Variants in ZNF362 observed in about 807,000 individuals in gnomAD.
ZNF362 encodes the protein zinc finger protein 362, also known as rotund homolog.
A neutral mutation model predicts 42.9 loss-of-function variants in ZNF362; 11 were observed. The ratio of observed to expected loss-of-function variants is 0.26; its 90% CI spans 0.16 to 0.42. The LOEUF (loss-of-function observed/expected upper bound fraction) is 0.42. Ranked by LOEUF, ZNF362 falls within the 20% of genes least tolerant of loss-of-function variation. The pLI, the probability that ZNF362 is intolerant of heterozygous loss-of-function variation, is 1.00. For missense variants in ZNF362, 362 were observed against 576.2 expected, an observed-to-expected ratio of 0.63 and a Z score of 3.81; for synonymous variants, 255 against 257.3, an observed-to-expected ratio of 0.99 and a Z score of 0.09.
chr1:33,263,782 C>A (rs1362236489), intron 1 of ZNF362, among the ~76,000 whole-genome samples: 1 of 152,192 alleles, frequency 6.6e-6, no homozygotes, highest in Non-Finnish European at 1.5e-5. Flanking sequence ...AGGGAACAGC[C>A]TGGGCAGAGA....
At chr1:33,201,331 A>C in the ZNF362 span, among the ~76,000 whole-genome samples, 15 of 152,236 alleles carry the variant, frequency 9.9e-5, no homozygotes, top group African/African-American at 3.6e-4. Flanking sequence ...CAACATCAGC[A>C]AAGTACACAT....
chr1:33,129,274 T>A, the ZNF362 span, among the ~76,000 whole-genome samples: 19 of 152,276 alleles, frequency 1.2e-4, no homozygotes, highest in East Asian at 3.7e-3. The surrounding 1 kb of genome is among the most constrained non-coding windows in gnomAD (Gnocchi z 4.1). Flanking sequence ...GGTTGGGGGT[T>A]CATCATATCC....
upstream of ZNF362, among the ~76,000 whole-genome samples, chr1:33,255,235 A>G (rs1342881446): frequency 6.6e-6 from 1 of 152,226 alleles, no homozygotes; most frequent in Non-Finnish European, 1.5e-5. Context: ...CAGTTTTTTA[A>G]TAGCTGTGCT....
the ZNF362 span, among the ~76,000 whole-genome samples, chr1:33,132,204 C>G: frequency 6.6e-6 from 1 of 152,232 alleles, no homozygotes; most frequent in East Asian, 1.9e-4. Flanking sequence ...TTTTCCCACC[C>G]TTACCCTCCA....
the ZNF362 span, among the ~76,000 whole-genome samples, chr1:33,184,483 C>G: frequency 6.6e-6 from 1 of 152,188 alleles, no homozygotes; most frequent in Non-Finnish European, 1.5e-5. Flanking sequence ...TAAAATCTTT[C>G]TAATAGAACA....
chr1:33,167,537 G>A, the ZNF362 span, among the ~76,000 whole-genome samples: 4 of 152,210 alleles, frequency 2.6e-5, no homozygotes, highest in Non-Finnish European at 5.9e-5. This position sits in a 1 kb window ranked among gnomAD's most constrained non-coding sequence, Gnocchi z 4.2. Context: ...CCTCCAGGGT[G>A]GCTCCTACTG....
the ZNF362 span, among the ~76,000 whole-genome samples, chr1:33,154,933 A>T: frequency 6.6e-6 from 1 of 151,452 alleles, no homozygotes; most frequent in Admixed American, 6.6e-5. Flanking sequence ...CTCTACTAAA[A>T]ATACAAAAAA....
rs80171891 is a variant in ZNF362, at chr1:33,298,035, T to C, written c.1147-895T>C. On this transcript the variant is annotated intron_variant, in intron 8 of 8. Transcript: ENST00000539719. ...CTTCCTCTGCTGGGTTCTGAGCATATTGAGGTCTGAAGTCAAGGAGTGGCA... is the reference window on the plus strand; with the variant it reads ...CTTCCTCTGCTGGGTTCTGAGCATACTGAGGTCTGAAGTCAAGGAGTGGCA... Among the ~76,000 whole-genome samples, 641 of 152,312 alleles carry C rather than the reference T, an allele frequency of 4.2e-3. 6 individuals are homozygous for C. Among genetic ancestry groups the C allele is most frequent in the African/African-American group, 0.014 (602 of 41,572 alleles).
the ZNF362 span, among the ~76,000 whole-genome samples, chr1:33,238,444 C>T: frequency 3.4e-5 from 5 of 145,200 alleles, no homozygotes; most frequent in Admixed American, 6.8e-5. Flanking sequence ...AAAATAAAAT[C>T]CCTTGGAAAG....
chr1:33,195,794 T>G, the ZNF362 span: 1 of 152,274 alleles, frequency 6.6e-6, no homozygotes. Flanking sequence ...TAGGACATTA[T>G]GCATAATTCT....
chr1:33,155,578 T>A, the ZNF362 span, among the ~76,000 whole-genome samples: 1 of 152,160 alleles, frequency 6.6e-6, no homozygotes, highest in African/African-American at 2.4e-5. Flanking sequence ...GGGCACAGGC[T>A]CTGGGGCCCG....
the ZNF362 span, among the ~76,000 whole-genome samples, chr1:33,135,287 AAAAC>A: frequency 5.1e-3 from 774 of 152,176 alleles, 5 homozygotes; most frequent in African/African-American, 0.015. Context: ...GACTCTCTCA[AAAAC>A]AAACAAACAA....
chr1:33,211,470 G>A, the ZNF362 span, among the ~76,000 whole-genome samples: 1 of 152,104 alleles, frequency 6.6e-6, no homozygotes, highest in African/African-American at 2.4e-5. Context: ...TGACTGTAAG[G>A]GATTTTATTT....
chr1:33,284,105 C>T (rs1262433885), intron 6 of ZNF362, among the ~76,000 whole-genome samples: 2 of 152,324 alleles, frequency 1.3e-5, no homozygotes, highest in East Asian at 1.9e-4. Flanking sequence ...GCCTATACAA[C>T]GTGTAATGTG....
At position 33,276,475 on chromosome 1, in the gene ZNF362, A is replaced by G; in HGVS notation, c.230A>G (p.Glu77Gly). The change falls in exon 4 of 9, where the codon GAG becomes GGG. Residue 77 changes from glutamate (E) to glycine (G), a missense_variant. Glu to Gly is a moderately conservative substitution (Grantham distance 98). Coordinates refer to ENST00000539719, the MANE Select transcript of ZNF362 (RefSeq NM_152493.3). ...QPLLVPPAPA[E>G]SSQAVMSLPK... ...TTGCTAGTGCCGCCGGCACCCGCCG[A>G]GAGCAGCCAGGCCGTCATGTCGCTG... The G allele has an allele frequency of 1.3e-6, 2 of 1,590,544 alleles. No individual in the cohort carries two copies. Among genetic ancestry groups the G allele is most frequent in the African/African-American group, 1.3e-5 (1 of 74,598 alleles).
At chr1:33,153,172 G>T in the ZNF362 span, among the ~76,000 whole-genome samples, 1 of 152,174 alleles carries the variant, frequency 6.6e-6, no homozygotes, top group Non-Finnish European at 1.5e-5. Context: ...GAATCCATGG[G>T]CTAGGTCCCT....
At chr1:33,181,531 G>C in the ZNF362 span, 1 of 1,450,276 alleles carries the variant, frequency 6.9e-7, no homozygotes, top group South Asian at 1.4e-5. This position sits in a 1 kb window ranked among gnomAD's most constrained non-coding sequence, Gnocchi z 6.5. Flanking sequence ...GCGCGGGGAC[G>C]AGGCCCGCAC....
the ZNF362 span, among the ~76,000 whole-genome samples, chr1:33,240,600 A>G: frequency 6.6e-6 from 1 of 151,876 alleles, no homozygotes. Flanking sequence ...CCAGGTAGAC[A>G]TTTTGCCCTG....
At chr1:33,147,734 G>A in the ZNF362 span, 2 of 1,605,428 alleles carry the variant, frequency 1.2e-6, no homozygotes, top group South Asian at 1.1e-5. The surrounding 1 kb of genome is among the most constrained non-coding windows in gnomAD (Gnocchi z 8.1). Context: ...GGCACTGTGG[G>A]GGTTGGAGGA....
Sources: gnomAD v4.1 joint callset for allele counts (sites outside exome capture counted in the v4.1 genomes callset) on GRCh38, gnomAD v4.1.1 for gene constraint, Gnocchi (gnomAD v3.1) non-coding constraint, MANE v1.5 for transcripts, NCBI Gene and HGNC (gene_info 2026-07-23, HGNC 2026-07-21) for gene names.